Variants in LINGO2 observed in about 807,000 individuals in gnomAD.
LINGO2 encodes the protein leucine-rich repeat and immunoglobulin-like domain-containing nogo receptor-interacting protein 2.
Under a neutral mutation model 30.6 loss-of-function variants are expected in LINGO2, and 14 were observed. That is an observed-to-expected ratio of 0.46 (90% CI 0.30 to 0.72). The LOEUF (loss-of-function observed/expected upper bound fraction) is 0.72, where lower values mean the gene tolerates loss of function less well. Ranked by LOEUF, LINGO2 falls within the 30% of genes least tolerant of loss-of-function variation. The pLI is 0.07. For missense variants in LINGO2, 729 were observed against 751.7 expected (o/e 0.97, Z 0.35); for synonymous variants, 317 against 288.5 (o/e 1.10, Z -1.00).
chr9:28,595,777 G>T (rs1367611335), intron 1 of LINGO2, among the ~76,000 whole-genome samples: 1 of 152,074 alleles, frequency 6.6e-6, no homozygotes, highest in Non-Finnish European at 1.5e-5. Context: ...CACAGCGGGG[G>T]AAACCCTAGA....
intron 5 of LINGO2, among the ~76,000 whole-genome samples, chr9:28,001,954 C>A (rs1821979613): frequency 6.6e-6 from 1 of 152,206 alleles, no homozygotes; most frequent in Admixed American, 6.5e-5. Flanking sequence ...CCACACCACA[C>A]AGTTGAAAAT....
At chr9:29,112,536 C>T in the LINGO2 span, among the ~76,000 whole-genome samples, 1 of 152,108 alleles carries the variant, frequency 6.6e-6, no homozygotes, top group Non-Finnish European at 1.5e-5. Flanking sequence ...ATCAGCAGCC[C>T]TAAGGCATCT....
chr9:28,173,698 T>C (rs934647814), intron 4 of LINGO2, among the ~76,000 whole-genome samples: 3 of 152,250 alleles, frequency 2.0e-5, no homozygotes, highest in African/African-American at 7.2e-5. Context: ...GGAACGGTTA[T>C]AAGAATGTTT....
rs1157101129 is a variant in LINGO2, at chr9:28,004,649, A to G, written c.-36+7706T>C. ...GTAGTTTTTTTTCCCCAGAGTTTGA[A>G]ACATTCTCTGGCTTATAGTGGATAC... On this transcript the variant is annotated intron_variant, in intron 5 of 5. Coordinates refer to ENST00000379992, the Ensembl canonical transcript of LINGO2. Among the ~76,000 whole-genome samples the G allele has an allele frequency of 2.0e-5, 3 of 152,284 alleles. No individual in the cohort carries two copies. The East Asian group carries it at 5.8e-4, about 29-fold the overall frequency.
At chr9:28,806,961 T>G in the LINGO2 span, among the ~76,000 whole-genome samples, 4 of 151,886 alleles carry the variant, frequency 2.6e-5, no homozygotes, top group South Asian at 8.3e-4. Context: ...AGTTGCTGAC[T>G]TAATGTTTTC....
intron 1 of LINGO2, among the ~76,000 whole-genome samples, chr9:28,642,952 A>G (rs1213264201): frequency 6.6e-6 from 1 of 152,108 alleles, no homozygotes. Context: ...ACAAAAGATC[A>G]CTGGTCTTAA....
chr9:29,019,803 T>C, the LINGO2 span, among the ~76,000 whole-genome samples: 1 of 152,194 alleles, frequency 6.6e-6, no homozygotes, highest in Non-Finnish European at 1.5e-5. Context: ...TTCTATGCAT[T>C]GATTATCAGA....
chr9:28,874,944 C>T, the LINGO2 span, among the ~76,000 whole-genome samples: 1 of 151,986 alleles, frequency 6.6e-6, no homozygotes, highest in Non-Finnish European at 1.5e-5. Flanking sequence ...TTGACTATAC[C>T]ATGCTAAGGC....
the LINGO2 span, among the ~76,000 whole-genome samples, chr9:28,819,045 A>T: frequency 6.6e-6 from 1 of 152,122 alleles, no homozygotes; most frequent in South Asian, 2.1e-4. Flanking sequence ...CAGATGATAG[A>T]TCCATCTTTA....
the LINGO2 span, among the ~76,000 whole-genome samples, chr9:29,022,549 G>T: frequency 1.3e-5 from 2 of 152,134 alleles, no homozygotes; most frequent in Non-Finnish European, 2.9e-5. Context: ...CTTTATGTGG[G>T]TCTTACGGTT....
At chr9:28,167,937 T>A (rs1009091307) in intron 4 of LINGO2, among the ~76,000 whole-genome samples, 1 of 152,202 alleles carries the variant, frequency 6.6e-6, no homozygotes, top group Non-Finnish European at 1.5e-5. Context: ...AGTGAGGAGA[T>A]GTGGTTTTGC....
chr9:28,495,795 T>C (rs1227047396), intron 1 of LINGO2, among the ~76,000 whole-genome samples: 1 of 152,196 alleles, frequency 6.6e-6, no homozygotes, highest in Non-Finnish European at 1.5e-5. Context: ...TGTGGGCATT[T>C]AGTGCTATAA....
At chr9:28,900,243 TG>T in the LINGO2 span, among the ~76,000 whole-genome samples, 2 of 152,012 alleles carry the variant, frequency 1.3e-5, no homozygotes, top group South Asian at 4.1e-4. Context: ...CAGGCTCCAG[TG>T]GCCCCAGGGT....
intron 4 of LINGO2, among the ~76,000 whole-genome samples, chr9:28,088,203 TACACACACACACACAC>T (rs56044203): frequency 2.0e-5 from 3 of 148,618 alleles, no homozygotes; most frequent in East Asian, 2.0e-4. Flanking sequence ...TATATAATTA[TACACACACACACACAC>T]ACACACACAC....
the LINGO2 span, among the ~76,000 whole-genome samples, chr9:29,143,980 T>C: frequency 3.3e-5 from 5 of 152,174 alleles, no homozygotes; most frequent in African/African-American, 4.8e-5. Flanking sequence ...GTCAATTTTC[T>C]GCATATGGCT....
At chr9:28,557,628 C>A (rs1227939096) in intron 1 of LINGO2, among the ~76,000 whole-genome samples, 1 of 151,586 alleles carries the variant, frequency 6.6e-6, no homozygotes. Context: ...ACCATTTGAC[C>A]CAGCCATCCC....
At chr9:28,452,921 TAAG>T (rs1290832591) in intron 2 of LINGO2, among the ~76,000 whole-genome samples, 8 of 151,830 alleles carry the variant, frequency 5.3e-5, no homozygotes, top group Non-Finnish European at 7.4e-5. Flanking sequence ...ATATCTTGCT[TAAG>T]GAGGAGTTTA....
the LINGO2 span, among the ~76,000 whole-genome samples, chr9:28,993,429 C>T: frequency 6.6e-6 from 1 of 152,136 alleles, no homozygotes; most frequent in Non-Finnish European, 1.5e-5. Context: ...CCGAATTCTA[C>T]CAGAGGTACA....
intron 5 of LINGO2, among the ~76,000 whole-genome samples, chr9:27,992,400 CAATT>C (rs1404502821): frequency 2.6e-5 from 4 of 151,868 alleles, no homozygotes; most frequent in African/African-American, 9.7e-5. Flanking sequence ...AATTATTCAA[CAATT>C]ATTTATTGAG....
Sources: gnomAD v4.1 joint callset for allele counts (sites outside exome capture counted in the v4.1 genomes callset) on GRCh38, gnomAD v4.1.1 for gene constraint, MANE v1.5 for transcripts, NCBI Gene and HGNC (gene_info 2026-07-23, HGNC 2026-07-21) for gene names.